Variants in NRXN3 observed in about 807,000 individuals in gnomAD.
NRXN3 encodes the protein neurexin 3, also known as neurexin III.
Under a neutral mutation model 137.6 loss-of-function variants are expected in NRXN3, and 32 were observed. The ratio of observed to expected loss-of-function variants is 0.23; its 90% CI spans 0.18 to 0.31. NRXN3 has a LOEUF of 0.31. Among genes scored for constraint, NRXN3 ranks in the 10% least tolerant of loss-of-function variants. The pLI is 1.00. For synonymous variants in NRXN3, 798 were observed against 784.5 expected, an observed-to-expected ratio of 1.02 and a Z score of -0.29; for missense variants, 1,574 against 2,062.5, an observed-to-expected ratio of 0.76 and a Z score of 4.59.
intron 8 of NRXN3, among the ~76,000 whole-genome samples, chr14:78,760,333 C>T (rs997730368): frequency 3.3e-5 from 5 of 151,058 alleles, no homozygotes; most frequent in Admixed American, 3.3e-4. Flanking sequence ...TAAGCCACTG[C>T]GCCCCACCTG....
intron 1 of NRXN3, among the ~76,000 whole-genome samples, chr14:78,197,316 G>T (rs1433670909): frequency 3.9e-5 from 6 of 152,224 alleles, no homozygotes; most frequent in Non-Finnish European, 8.8e-5. Flanking sequence ...CTGCATGCCA[G>T]CATTTACTCC....
chr14:78,717,367 T>C (rs998159373), intron 8 of NRXN3, among the ~76,000 whole-genome samples: 9 of 152,200 alleles, frequency 5.9e-5, no homozygotes, highest in African/African-American at 2.2e-4. Flanking sequence ...CAATTATTCT[T>C]GGTGCAGTGC....
At chr14:79,056,309 G>A (rs1462203024) in intron 15 of NRXN3, among the ~76,000 whole-genome samples, 1 of 152,088 alleles carries the variant, frequency 6.6e-6, no homozygotes, top group Non-Finnish European at 1.5e-5. Context: ...AAAGTCATAG[G>A]GAAACATATT....
chr14:78,443,918 A>G (rs960734970), intron 4 of NRXN3, among the ~76,000 whole-genome samples: 2 of 152,236 alleles, frequency 1.3e-5, no homozygotes, highest in African/African-American at 4.8e-5. Flanking sequence ...TTGGTGCAAA[A>G]GTAATTGTGT....
intron 4 of NRXN3, among the ~76,000 whole-genome samples, chr14:78,577,448 T>A (rs1397859212): frequency 6.6e-6 from 1 of 152,210 alleles, no homozygotes; most frequent in East Asian, 1.9e-4. Flanking sequence ...CTAGTATACA[T>A]CTGTATATGG....
At chr14:78,668,208 C>G (rs2097904218) in intron 6 of NRXN3, among the ~76,000 whole-genome samples, 1 of 152,124 alleles carries the variant, frequency 6.6e-6, no homozygotes, top group African/African-American at 2.4e-5. Flanking sequence ...TTGATGATCA[C>G]CAGTGTCCCA....
At chr14:78,229,415 A>C (rs931193370) in intron 1 of NRXN3, among the ~76,000 whole-genome samples, 1 of 151,958 alleles carries the variant, frequency 6.6e-6, no homozygotes, top group Non-Finnish European at 1.5e-5. Flanking sequence ...AATCTTGCAC[A>C]CTTGCTTGAT....
chr14:79,387,709 G>T (rs994629111), intron 15 of NRXN3, among the ~76,000 whole-genome samples: 5 of 151,862 alleles, frequency 3.3e-5, no homozygotes, highest in African/African-American at 1.2e-4. Flanking sequence ...CAAGCCAAAT[G>T]TCCAACAATG....
intron 19 of NRXN3, among the ~76,000 whole-genome samples, chr14:79,766,969 T>C (rs2099058050): frequency 6.6e-6 from 1 of 152,234 alleles, no homozygotes; most frequent in Non-Finnish European, 1.5e-5. Context: ...AAGTGGTAGA[T>C]GGCAGAGACC....
chr14:78,434,678 G>A (rs2094001765), intron 4 of NRXN3, among the ~76,000 whole-genome samples: 2 of 152,298 alleles, frequency 1.3e-5, no homozygotes, highest in African/African-American at 4.8e-5. Context: ...CTGCCTCTGA[G>A]TCAGGATACC....
intron 16 of NRXN3, among the ~76,000 whole-genome samples, chr14:79,479,594 CA>C (rs1235916707): frequency 2.0e-5 from 3 of 151,930 alleles, no homozygotes; most frequent in African/African-American, 7.3e-5. Context: ...TTTAAATCCA[CA>C]GTTAAGAATG....
intron 4 of NRXN3, among the ~76,000 whole-genome samples, chr14:78,634,430 G>A (rs547982172): frequency 1.5e-4 from 23 of 152,304 alleles, no homozygotes; most frequent in Admixed American, 7.2e-4. Flanking sequence ...TGCTCACAGC[G>A]TATGGTTAAA....
chr14:78,595,506 A>G (rs1233987132), intron 4 of NRXN3, among the ~76,000 whole-genome samples: 2 of 150,688 alleles, frequency 1.3e-5, no homozygotes, highest in African/African-American at 2.5e-5. Flanking sequence ...GCAGATGCAA[A>G]CTCTCCCTAA....
intron 15 of NRXN3, among the ~76,000 whole-genome samples, chr14:79,135,396 A>G (rs556274971): frequency 5.6e-4 from 85 of 152,328 alleles, no homozygotes; most frequent in African/African-American, 1.7e-3. Context: ...TACCTCTCCT[A>G]AAGAGTTTTG....
At chr14:78,670,700 G>A (rs2097925549) in intron 6 of NRXN3, among the ~76,000 whole-genome samples, 1 of 152,196 alleles carries the variant, frequency 6.6e-6, no homozygotes, top group Admixed American at 6.5e-5. Flanking sequence ...GCATGCACCA[G>A]GGCTAGGGCC....
At chr14:78,223,218 A>G (rs1396730719) in intron 1 of NRXN3, among the ~76,000 whole-genome samples, 1 of 152,168 alleles carries the variant, frequency 6.6e-6, no homozygotes, top group African/African-American at 2.4e-5. Context: ...ATTCATTCAG[A>G]TTTCTTTCCT....
intron 10 of NRXN3, among the ~76,000 whole-genome samples, chr14:78,886,215 T>C (rs1029301724): frequency 2.0e-5 from 3 of 152,152 alleles, no homozygotes; most frequent in African/African-American, 7.2e-5. Context: ...ATATCCTTAT[T>C]ACTCAGATCC....
At chr14:78,742,986 A>G (rs915135486) in intron 8 of NRXN3, among the ~76,000 whole-genome samples, 15 of 152,108 alleles carry the variant, frequency 9.9e-5, no homozygotes, top group Non-Finnish European at 1.9e-4. Context: ...TCACTTTTTT[A>G]TTTGAATTGA....
intron 15 of NRXN3, among the ~76,000 whole-genome samples, chr14:79,038,343 T>A (rs2099619634): frequency 6.6e-6 from 1 of 152,102 alleles, no homozygotes; most frequent in Non-Finnish European, 1.5e-5. Context: ...GCCTTACCCT[T>A]AATAGTGGAG....
Sources: allele counts gnomAD v4.1 joint callset (sites outside exome capture counted in the v4.1 genomes callset), GRCh38; gene constraint gnomAD v4.1.1; transcripts MANE v1.5; gene names NCBI Gene and HGNC (gene_info 2026-07-23, HGNC 2026-07-21).